Variants in VPS16 observed in about 807,000 individuals in gnomAD.
VPS16 encodes vacuolar protein sorting-associated protein 16 homolog.
In VPS16, 82 loss-of-function variants were observed where a neutral mutation model predicts 116.0. The observed-to-expected ratio is 0.71, with a 90% CI of 0.59 to 0.85. The LOEUF (loss-of-function observed/expected upper bound fraction) is 0.85. Among genes scored for constraint, VPS16 ranks in the 40% least tolerant of loss-of-function variants. The pLI is 0.00. For missense variants in VPS16, 928 were observed against 1,090.6 expected (o/e 0.85, Z 2.10); for synonymous variants, 406 against 420.7 (o/e 0.96, Z 0.43).
At position 2,866,544 on chromosome 20, in the gene VPS16, A is replaced by G. The variant is rs2089351211; in HGVS notation, c.2490A>G (p.Gln830=). Residue 830 remains glutamine (Q), a synonymous_variant, in exon 24 of 24, where the codon CAA becomes CAG. Coordinates refer to ENST00000380445, the MANE Select transcript of VPS16 (RefSeq NM_022575.4). Reference sequence around the variant, plus strand: ...ATGGGGCCACAGCTGACAAGATTCAACGGGCCAGGGCACAAGCCCAGAAGA... The same window carrying G: ...ATGGGGCCACAGCTGACAAGATTCAGCGGGCCAGGGCACAAGCCCAGAAGA... ...ATDGATADKI[Q]RARAQAQKK The G allele has an allele frequency of 1.2e-6, 2 of 1,614,048 alleles. No homozygotes were observed. Among genetic ancestry groups the G allele is most frequent in the Non-Finnish European group, 1.7e-6 (2 of 1,180,012 alleles).
chr20:2,860,625 A>G lies in VPS16; in HGVS notation c.514+32A>G. On this transcript the variant is annotated intron_variant, in intron 5 of 23. Coordinates refer to ENST00000380445, the MANE Select transcript of VPS16 (RefSeq NM_022575.4). This position sits in a 1 kb window ranked among gnomAD's most constrained non-coding sequence, Gnocchi z 6.1. ...CCTGACACCGCTGAGATAGCCAAGCAGTACCCACAGATGTGCCTCTAGCCT... is the reference window on the plus strand; with the variant it reads ...CCTGACACCGCTGAGATAGCCAAGCGGTACCCACAGATGTGCCTCTAGCCT... 2 of 1,612,464 alleles carry G rather than the reference A, an allele frequency of 1.2e-6. No individual in the cohort carries two copies. The highest frequency in any genetic ancestry group is 1.1e-5 in the South Asian group (1 of 91,076).
At chr20:2,851,864 A>G (rs6051432) in intron 1 of VPS16, among the ~76,000 whole-genome samples, 74,731 of 151,908 alleles carry the variant, frequency 0.49, 20,838 homozygotes, top group African/African-American at 0.74. Context: ...TCAGCTACTC[A>G]GGAGGCTGAG....
intron 1 of VPS16, among the ~76,000 whole-genome samples, chr20:2,855,385 C>T (rs187739336): frequency 2.3e-4 from 35 of 152,070 alleles, no homozygotes; most frequent in Admixed American, 1.8e-3. Context: ...TTTGTTATCC[C>T]GTTTCTAGAG....
In VPS16 at chr20:2,860,776, T is replaced by C. The variant is rs1316973405; in HGVS notation, c.543T>C (p.Thr181=). The change falls in exon 6 of 24, where the codon ACT becomes ACC. Residue 181 remains threonine, a synonymous_variant. Coordinates refer to ENST00000380445, the MANE Select transcript of VPS16 (RefSeq NM_022575.4). The surrounding 1 kb of genome is among the most constrained non-coding windows in gnomAD (Gnocchi z 6.1). ...TGCAAAGTGCACCCTCCTGCTGGAC[T>C]GTGCTGTGCCAGGACCGAGTGGCAC... ...PGLQSAPSCW[T]VLCQDRVAHI... is the part of the protein sequence containing the mutation. The C allele has an allele frequency of 6.2e-7, 1 of 1,613,904 alleles. No homozygotes were observed. Among genetic ancestry groups the C allele is most frequent in the Non-Finnish European group, 8.5e-7 (1 of 1,180,040 alleles).
intron 1 of VPS16, among the ~76,000 whole-genome samples, chr20:2,849,363 C>T (rs1196226839): frequency 2.0e-5 from 3 of 148,810 alleles, no homozygotes; most frequent in Non-Finnish European, 3.0e-5. Context: ...TGCAATGGCA[C>T]GATTTTGGCT....
In VPS16 at chr20:2,845,082, G is replaced by A. The variant is rs1568621935; in HGVS notation, c.53+4255G>A. Among the ~76,000 whole-genome samples, 5 of 151,596 alleles carry A rather than the reference G, an allele frequency of 3.3e-5. No individual in the cohort carries two copies. The South Asian group carries it at 1.0e-3, about 32-fold the overall frequency. On this transcript the variant is annotated intron_variant, in intron 1 of 23. Transcript: ENST00000380445. ...TGTAGGCAATGCTGGGGAAAAGTTG[G>A]AAGGAACAAGCAAAATGGAAGCAAG...
Position 2,865,568 on chromosome 20 carries a change from C to A in VPS16, c.2271+73C>A. Reference sequence around the variant, plus strand: ...CGGGAGAGAGGGCTAGGCAGGGAGACAGATAGGATGGCCCGTTCATGCTCC... The same window carrying A: ...CGGGAGAGAGGGCTAGGCAGGGAGAAAGATAGGATGGCCCGTTCATGCTCC... On this transcript the variant is annotated intron_variant, in intron 22 of 23. Transcript: ENST00000380445. This position sits in a 1 kb window ranked among gnomAD's most constrained non-coding sequence, Gnocchi z 5.2. 1 of 1,395,176 alleles carries A rather than the reference C, an allele frequency of 7.2e-7. No individual in the cohort carries two copies. The highest frequency in any genetic ancestry group is 9.9e-7 in the Non-Finnish European group (1 of 1,011,214). The allele number at this position is 1,395,176 out of a possible 1,614,324, so 86.4% of individuals were successfully genotyped here.
intron 9 of VPS16, 28 bp downstream of exon 9, chr20:2,861,732 G>A (rs2089230566): frequency 6.2e-7 from 1 of 1,611,654 alleles, no homozygotes; most frequent in Non-Finnish European, 8.5e-7. Flanking sequence ...CCTGTGTGTG[G>A]AGAGAGGGGA....
chr20:2,841,133 C>T, intron 1 of VPS16: 1 of 456,526 alleles, frequency 2.2e-6, no homozygotes, highest in Non-Finnish European at 3.9e-6. Context: ...TGCCCAGTCT[C>T]CTGCCGGAAA....
chr20:2,854,905 T>G (rs1438888035), intron 1 of VPS16, among the ~76,000 whole-genome samples: 1 of 106,910 alleles, frequency 9.4e-6, no homozygotes, highest in Non-Finnish European at 1.7e-5. Flanking sequence ...ATTAATCTCC[T>G]TGTACATCTC....
chr20:2,853,618 C>T (rs1397443865), intron 1 of VPS16, among the ~76,000 whole-genome samples: 3 of 152,128 alleles, frequency 2.0e-5, no homozygotes, highest in Non-Finnish European at 4.4e-5. Flanking sequence ...CTTCCAAACT[C>T]CTGTTAATTT....
chr20:2,862,409 A>G, intron 11 of VPS16, 170 bp from the exon 12 acceptor site: 3 of 1,353,840 alleles, frequency 2.2e-6, no homozygotes, highest in South Asian at 3.0e-5. Flanking sequence ...CTGATACGAG[A>G]TGATGTCTGT....
Position 2,866,560 on chromosome 20 carries a change from G to A in VPS16, c.2506G>A (p.Ala836Thr). 1 of 1,614,178 alleles carries A rather than the reference G, an allele frequency of 6.2e-7. No homozygotes were observed. Among genetic ancestry groups the A allele is most frequent in the East Asian group, 2.2e-5 (1 of 44,888 alleles). The change falls in exon 24 of 24, where the codon GCC becomes ACC. Residue 836 changes from alanine (A) to threonine (T), a missense_variant. Coordinates refer to ENST00000380445, the MANE Select transcript of VPS16 (RefSeq NM_022575.4). ...ADKIQRARAQ[A>T]QKK is the part of the protein sequence containing the mutation. ...CAAGATTCAACGGGCCAGGGCACAA[G>A]CCCAGAAGAAGTGAGGAGTCCATCC...
intron 1 of VPS16, chr20:2,841,119 C>A: frequency 2.1e-6 from 1 of 483,050 alleles, no homozygotes; most frequent in Non-Finnish European, 3.7e-6. Context: ...CGGGTGACAG[C>A]GAGTGCCCAG....
Position 2,863,195 on chromosome 20 carries a change from T to G in VPS16, c.1367+95T>G. ...TTATGGTCACTGCTCCTGACCTATC[T>G]AGGATGTGGGAGGCCTGATGTGCAG... On this transcript the variant is annotated intron_variant, in intron 14 of 23. Transcript: ENST00000380445. The surrounding 1 kb of genome is among the most constrained non-coding windows in gnomAD (Gnocchi z 4.4). 2 of 1,610,198 alleles carry G rather than the reference T, an allele frequency of 1.2e-6. No homozygotes were observed. The highest frequency in any genetic ancestry group is 1.1e-5 in the South Asian group (1 of 90,986).
chr20:2,850,797 A>G (rs1018303965), intron 1 of VPS16, among the ~76,000 whole-genome samples: 1 of 143,440 alleles, frequency 7.0e-6, no homozygotes, highest in African/African-American at 2.6e-5. Flanking sequence ...GTGAAACCCC[A>G]TCTCTACAAA....
chr20:2,842,771 CATATAGATGTAT>C (rs1296427079), intron 1 of VPS16, among the ~76,000 whole-genome samples: 1 of 3,464 alleles, frequency 2.9e-4, no homozygotes, highest in African/African-American at 1.9e-3. Flanking sequence ...TATAGATAGA[CATATAGATGTAT>C]CTATCTATAG....
In VPS16 at chr20:2,862,814, C is replaced by T; in HGVS notation, c.1211C>T (p.Ser404Phe). Reference protein sequence around the residue: ...DMQKSLLRAASFGKCFLDRFP... With the variant: ...DMQKSLLRAAFFGKCFLDRFP... ...CCCTCTGGCTCTTCTCAGGCCGCCT[C>T]CTTCGGAAAGTGTTTCCTGGACAGA... The change falls in exon 13 of 24, where the codon TCC becomes TTC. Residue 404 changes from serine (S) to phenylalanine (F), a missense_variant. Coordinates refer to ENST00000380445, the MANE Select transcript of VPS16 (RefSeq NM_022575.4). 6.2e-7 allele frequency: 1 copy of T among 1,614,022 alleles called. No individual in the cohort carries two copies. Among genetic ancestry groups the T allele is most frequent in the Non-Finnish European group, 8.5e-7 (1 of 1,180,016 alleles).
At position 2,865,260 on chromosome 20, in the gene VPS16, G is replaced by A. The variant is rs1456119603; in HGVS notation, c.2117G>A (p.Gly706Asp). The change falls in exon 21 of 24, where the codon GGC becomes GAC. Residue 706 changes from glycine (G) to aspartate (D), a missense_variant. Physicochemically the swap from Gly to Asp is moderately conservative, Grantham distance 94. Coordinates refer to ENST00000380445, the MANE Select transcript of VPS16 (RefSeq NM_022575.4). This position sits in a 1 kb window ranked among gnomAD's most constrained non-coding sequence, Gnocchi z 5.2. ...GACACAGTTACCACCCTCATTCTTG[G>A]CGGTCACAACAAGCGTGCAGAGCAG... ...LHDTVTTLIL[G>D]GHNKRAEQLA... is the part of the protein sequence containing the mutation. 1 of 1,614,140 alleles carries A rather than the reference G, an allele frequency of 6.2e-7. No individual in the cohort carries two copies. The highest frequency in any genetic ancestry group is 1.7e-5 in the Admixed American group (1 of 60,016).
Sources: gnomAD v4.1 joint callset for allele counts (sites outside exome capture counted in the v4.1 genomes callset) on GRCh38, gnomAD v4.1.1 for gene constraint, Gnocchi (gnomAD v3.1) non-coding constraint, MANE v1.5 for transcripts, NCBI Gene and HGNC (gene_info 2026-07-23, HGNC 2026-07-21) for gene names.